TMEM132D: variants seen among roughly 807,000 people sequenced by gnomAD.
TMEM132D encodes transmembrane protein 132D.
TMEM132D carries 21 observed loss-of-function variants against 62.3 expected under a neutral mutation model. The ratio of observed to expected loss-of-function variants is 0.34; its 90% CI spans 0.24 to 0.49. The LOEUF is 0.49. TMEM132D is among the 20% of genes least tolerant of loss of function. The pLI is 0.99. For synonymous variants in TMEM132D, 621 were observed against 575.6 expected (o/e 1.08, Z -1.13); for missense variants, 1,346 against 1,402.8 (o/e 0.96, Z 0.65).
intron 1 of TMEM132D, among the ~76,000 whole-genome samples, chr12:129,826,689 A>G (rs557861165): frequency 6.6e-6 from 1 of 152,336 alleles, no homozygotes; most frequent in East Asian, 1.9e-4. Context: ...GCCAACAGAC[A>G]GGGATTGGAC....
chr12:129,110,397 G>A (rs1180341052), intron 5 of TMEM132D: 4 of 152,146 alleles, frequency 2.6e-5, no homozygotes, highest in Non-Finnish European at 4.4e-5. Context: ...TTTGGACCAT[G>A]AAGCCTTTTG....
At chr12:129,320,521 C>T (rs1224375782) in intron 4 of TMEM132D, among the ~76,000 whole-genome samples, 1 of 152,142 alleles carries the variant, frequency 6.6e-6, no homozygotes. Context: ...AAAGATGATA[C>T]TAGAAGAGAC....
intron 1 of TMEM132D, among the ~76,000 whole-genome samples, chr12:129,789,001 T>A: frequency 6.6e-6 from 1 of 152,114 alleles, no homozygotes; most frequent in East Asian, 1.9e-4. Context: ...ACACGGAGGA[T>A]TTGGGGTTTT....
In TMEM132D at chr12:129,827,537, T is replaced by G. The variant is rs1593177606; in HGVS notation, c.79+75724A>C. Among the ~76,000 whole-genome samples the G allele has an allele frequency of 2.6e-5, 4 of 152,212 alleles. No homozygotes were observed. The South Asian group carries it at 8.3e-4, about 32-fold the overall frequency. On this transcript the variant is annotated intron_variant, in intron 1 of 8. Transcript: ENST00000422113. This position sits in a 1 kb window ranked among gnomAD's most constrained non-coding sequence, Gnocchi z 9.7. The stretch of plus-strand genomic sequence containing the variant: ...ATGGCTGATTAGACTGAGTCCACAG[T>G]AATTTCTGTCCTTCCTCATTAGTGG...
At chr12:129,316,505 G>T (rs1237134077) in intron 4 of TMEM132D, among the ~76,000 whole-genome samples, 2 of 152,156 alleles carry the variant, frequency 1.3e-5, no homozygotes, top group African/African-American at 4.8e-5. Flanking sequence ...TGTGGTCTGA[G>T]AGAGTCCTTG....
chr12:129,074,790 A>G lies in TMEM132D; in HGVS notation c.2385T>C (p.Val795=), dbSNP rs372639691. The change falls in exon 9 of 9, where the codon GTT becomes GTC. Residue 795 remains valine, a synonymous_variant. Transcript: ENST00000422113. ...VLAVGTANIK[V]KFGQNDANPN... ...GGTTAGCATCGTTTTGGCCAAATTT[A>G]ACTTTGATGTTTGCCGTTCCAACAG... 17 of 1,613,830 alleles carry G rather than the reference A, an allele frequency of 1.1e-5. 1 individual carries two copies. The highest frequency in any genetic ancestry group is 1.6e-4 in the Middle Eastern group (1 of 6,084).
At chr12:129,678,386 T>A (rs953151475) in intron 2 of TMEM132D, among the ~76,000 whole-genome samples, 7 of 152,210 alleles carry the variant, frequency 4.6e-5, no homozygotes, top group African/African-American at 1.7e-4. Flanking sequence ...AATTTGTATT[T>A]ACCTGATTAC....
At position 129,073,846 on chromosome 12, in the gene TMEM132D, G is replaced by GCTCAC; in HGVS notation, c.*28_*29insGTGAG. The GCTCAC allele has an allele frequency of 6.6e-7, 1 of 1,506,656 alleles. No individual in the cohort carries two copies. The highest frequency in any genetic ancestry group is 8.9e-7 in the Non-Finnish European group (1 of 1,124,982). The allele number at this position is 1,506,656 out of a possible 1,614,324, so 93.3% of individuals were successfully genotyped here. On this transcript the variant is annotated 3_prime_UTR_variant, in exon 9 of 9. Coordinates refer to ENST00000422113, the MANE Select transcript of TMEM132D (RefSeq NM_133448.3). ...CCTGGAATTAAAGGCTGAAAGGTGA[G>GCTCAC]TGAGAACCAATGTCTGTGTGTGTCT...
At chr12:129,282,191 G>A (rs1296270038) in intron 4 of TMEM132D, among the ~76,000 whole-genome samples, 2 of 152,160 alleles carry the variant, frequency 1.3e-5, no homozygotes, top group East Asian at 1.9e-4. Context: ...TTGCTGAGAA[G>A]GCAGCTACTA....
intron 3 of TMEM132D, among the ~76,000 whole-genome samples, chr12:129,497,853 G>T (rs767935189): frequency 6.6e-6 from 1 of 152,014 alleles, no homozygotes; most frequent in Non-Finnish European, 1.5e-5. Context: ...GAGAGATGGG[G>T]TTTCACCATG....
chr12:129,313,503 CT>C (rs1422777533), intron 4 of TMEM132D, among the ~76,000 whole-genome samples: 8 of 151,470 alleles, frequency 5.3e-5, no homozygotes, highest in Non-Finnish European at 1.5e-5. Flanking sequence ...TAATCCATTC[CT>C]TTTTATGGCT....
intron 4 of TMEM132D, among the ~76,000 whole-genome samples, chr12:129,317,512 C>T (rs1310604740): frequency 1.3e-5 from 2 of 152,236 alleles, no homozygotes; most frequent in African/African-American, 2.4e-5. Flanking sequence ...GAGAAATCTG[C>T]TGTTAATCCG....
intron 1 of TMEM132D, among the ~76,000 whole-genome samples, chr12:129,849,787 T>C (rs762685829): frequency 1.2e-4 from 18 of 152,164 alleles, no homozygotes; most frequent in African/African-American, 3.9e-4. Context: ...GATATCAGTA[T>C]ACACGATTAC....
At chr12:129,390,019 A>G (rs12315839) in intron 3 of TMEM132D, among the ~76,000 whole-genome samples, 33,949 of 152,132 alleles carry the variant, frequency 0.22, 4,038 homozygotes, top group Non-Finnish European at 0.27. Context: ...GTCGGCGCAC[A>G]CTGGCGTTTT....
At chr12:129,800,050 C>T (rs1376797) in intron 1 of TMEM132D, among the ~76,000 whole-genome samples, 105,412 of 152,074 alleles carry the variant, frequency 0.69, 39,241 homozygotes, top group Non-Finnish European at 0.82. Context: ...CCTTGATCAT[C>T]GAATCCTAAA....
chr12:129,190,003 A>G (rs1349034910), intron 5 of TMEM132D, among the ~76,000 whole-genome samples: 1 of 151,998 alleles, frequency 6.6e-6, no homozygotes, highest in African/African-American at 2.4e-5. Flanking sequence ...AGGTGAGACT[A>G]GAGGAAAAAA....
At chr12:129,156,279 T>C (rs1388111188) in intron 5 of TMEM132D, among the ~76,000 whole-genome samples, 2 of 150,572 alleles carry the variant, frequency 1.3e-5, no homozygotes, top group Non-Finnish European at 1.5e-5. Flanking sequence ...TCTCCTGAAG[T>C]AACTAACTCA....
chr12:129,394,453 A>G (rs763790789), intron 3 of TMEM132D, among the ~76,000 whole-genome samples: 3 of 152,182 alleles, frequency 2.0e-5, no homozygotes, highest in Non-Finnish European at 4.4e-5. Flanking sequence ...TGTTTTTCTC[A>G]CTGATCTCTA....
intron 4 of TMEM132D, among the ~76,000 whole-genome samples, chr12:129,227,140 G>C (rs1879500410): frequency 6.6e-6 from 1 of 151,792 alleles, no homozygotes; most frequent in Non-Finnish European, 1.5e-5. Flanking sequence ...AATTTAGTAA[G>C]CTGCTAAACC....
Sources: gnomAD v4.1 joint callset for allele counts (sites outside exome capture counted in the v4.1 genomes callset) on GRCh38, gnomAD v4.1.1 for gene constraint, Gnocchi (gnomAD v3.1) non-coding constraint, MANE v1.5 for transcripts, NCBI Gene and HGNC (gene_info 2026-07-23, HGNC 2026-07-21) for gene names.